GAREM1: variants seen among roughly 807,000 people sequenced by gnomAD.
GAREM1 encodes the protein GRB2-associated and regulator of MAPK protein 1.
GAREM1 carries 26 observed loss-of-function variants against 71.3 expected under a neutral mutation model. The observed-to-expected ratio is 0.36, with a 90% CI of 0.27 to 0.51. GAREM1 has a LOEUF of 0.51. Ranked by LOEUF, GAREM1 falls within the 20% of genes least tolerant of loss-of-function variation. GAREM1 has a pLI of 0.95. For synonymous variants in GAREM1, 440 were observed against 433.2 expected (o/e 1.02, Z -0.20); for missense variants, 1,026 against 1,103.1 (o/e 0.93, Z 0.99).
chr18:32,468,369 T>C (rs911879328), intron 1 of GAREM1, among the ~76,000 whole-genome samples: 2 of 152,190 alleles, frequency 1.3e-5, no homozygotes, highest in Admixed American at 6.5e-5. Flanking sequence ...TGAGATGGGA[T>C]TGTTAAGTGA....
At chr18:32,368,920 T>A (rs2047951733) in intron 2 of GAREM1, among the ~76,000 whole-genome samples, 1 of 152,212 alleles carries the variant, frequency 6.6e-6, no homozygotes, top group Non-Finnish European at 1.5e-5. Context: ...AAAAAAAATC[T>A]GCTTTGTGAA....
At chr18:32,274,507 G>C (rs567013162) in intron 4 of GAREM1, among the ~76,000 whole-genome samples, 1 of 152,118 alleles carries the variant, frequency 6.6e-6, no homozygotes, top group Non-Finnish European at 1.5e-5. Context: ...CATGTTACTC[G>C]CTGTCTCCGA....
Position 32,267,832 on chromosome 18 carries a change from T to C in GAREM1, c.*39A>G, listed in dbSNP as rs796359511. ...CAGCCCACCCCTTCTAGCACACGCA[T>C]TGATCAGTTTTGTTCCATGCTGGCC... On this transcript the variant is annotated 3_prime_UTR_variant, in exon 6 of 6. Transcript: ENST00000269209. The C allele has an allele frequency of 3.9e-6, 6 of 1,530,710 alleles. No homozygotes were observed. The African/African-American group carries it at 5.5e-5, about 14-fold the overall frequency. The allele number at this position is 1,530,710 out of a possible 1,614,324, so 94.8% of individuals were successfully genotyped here.
intron 2 of GAREM1, among the ~76,000 whole-genome samples, chr18:32,330,428 T>G (rs1382961945): frequency 6.6e-6 from 1 of 152,126 alleles, no homozygotes; most frequent in Non-Finnish European, 1.5e-5. Flanking sequence ...GGTGACAGGA[T>G]CATTTGTATC....
chr18:32,370,488 TG>T (rs1223621494), intron 2 of GAREM1, among the ~76,000 whole-genome samples: 1 of 152,018 alleles, frequency 6.6e-6, no homozygotes, highest in Non-Finnish European at 1.5e-5. Flanking sequence ...TTTACAATCA[TG>T]TTTTGCTAAA....
At chr18:32,435,265 A>C (rs991949167) in intron 1 of GAREM1, among the ~76,000 whole-genome samples, 6 of 152,038 alleles carry the variant, frequency 3.9e-5, no homozygotes, top group Admixed American at 1.3e-4. Context: ...AAAAAAAAAC[A>C]ACCAGCAGTG....
chr18:32,279,516 C>T (rs996484210), intron 4 of GAREM1, among the ~76,000 whole-genome samples: 1 of 152,130 alleles, frequency 6.6e-6, no homozygotes, highest in Admixed American at 6.6e-5. Flanking sequence ...AATCTAATGC[C>T]TGATGATCTG....
At chr18:32,343,581 A>T (rs2047668369) in intron 2 of GAREM1, among the ~76,000 whole-genome samples, 1 of 152,174 alleles carries the variant, frequency 6.6e-6, no homozygotes, top group Non-Finnish European at 1.5e-5. Context: ...AATTACAGGC[A>T]TAAGCCACTG....
intron 4 of GAREM1, among the ~76,000 whole-genome samples, chr18:32,282,375 G>A (rs1267270587): frequency 3.3e-5 from 5 of 152,102 alleles, no homozygotes; most frequent in African/African-American, 4.8e-5. Context: ...GCAGTGAGCC[G>A]AGATCGCACC....
intron 2 of GAREM1, among the ~76,000 whole-genome samples, chr18:32,372,166 T>A (rs1396551431): frequency 6.6e-6 from 1 of 152,244 alleles, no homozygotes; most frequent in Admixed American, 6.5e-5. Flanking sequence ...TCTTTTCATA[T>A]ATTCTTCTGT....
At chr18:32,409,188 G>A (rs1027164811) in intron 1 of GAREM1, among the ~76,000 whole-genome samples, 3 of 152,056 alleles carry the variant, frequency 2.0e-5, no homozygotes, top group African/African-American at 7.2e-5. Context: ...AACTATCTTA[G>A]GTATAAATTG....
intron 2 of GAREM1, among the ~76,000 whole-genome samples, chr18:32,330,812 C>G (rs2047526398): frequency 6.6e-6 from 1 of 152,014 alleles, no homozygotes; most frequent in South Asian, 2.1e-4. Flanking sequence ...TTTAATATAT[C>G]AGGAAGGAAA....
intron 4 of GAREM1, among the ~76,000 whole-genome samples, chr18:32,282,965 A>C (rs1181950391): frequency 6.6e-6 from 1 of 152,190 alleles, no homozygotes; most frequent in Non-Finnish European, 1.5e-5. Context: ...GCAATATTAT[A>C]AAATAGAGGA....
At chr18:32,351,439 A>G (rs900830614) in intron 2 of GAREM1, among the ~76,000 whole-genome samples, 8 of 152,168 alleles carry the variant, frequency 5.3e-5, no homozygotes, top group African/African-American at 1.9e-4. Flanking sequence ...TAAACAATAT[A>G]TTAATAAAGG....
intron 1 of GAREM1, among the ~76,000 whole-genome samples, chr18:32,414,183 T>G (rs1432891943): frequency 6.6e-6 from 1 of 152,190 alleles, no homozygotes; most frequent in Non-Finnish European, 1.5e-5. Flanking sequence ...TTTAAGGTTT[T>G]CACAGACAAT....
chr18:32,393,317 GATA>G (rs2048221207), intron 1 of GAREM1, among the ~76,000 whole-genome samples: 1 of 151,636 alleles, frequency 6.6e-6, no homozygotes, highest in Non-Finnish European at 1.5e-5. Flanking sequence ...ATGTTTTAAT[GATA>G]ATAAAACATT....
intron 1 of GAREM1, among the ~76,000 whole-genome samples, chr18:32,414,133 C>T (rs1284407955): frequency 6.6e-6 from 1 of 151,974 alleles, no homozygotes; most frequent in African/African-American, 2.4e-5. Flanking sequence ...TAAAAGGTCG[C>T]TATTTGCAAA....
At chr18:32,284,257 C>T (rs537065067) in intron 4 of GAREM1, among the ~76,000 whole-genome samples, 1 of 152,150 alleles carries the variant, frequency 6.6e-6, no homozygotes, top group Non-Finnish European at 1.5e-5. Context: ...TAAATGATTT[C>T]AGGTGTTTAT....
At chr18:32,338,866 G>T (rs1272105445) in intron 2 of GAREM1, among the ~76,000 whole-genome samples, 1 of 152,124 alleles carries the variant, frequency 6.6e-6, no homozygotes, top group African/African-American at 2.4e-5. Context: ...TTTTTGGACA[G>T]GATTAACATT....
Sources: gnomAD v4.1 joint callset for allele counts (sites outside exome capture counted in the v4.1 genomes callset) on GRCh38, gnomAD v4.1.1 for gene constraint, MANE v1.5 for transcripts, NCBI Gene and HGNC (gene_info 2026-07-23, HGNC 2026-07-21) for gene names.